PTPN9: variants seen among roughly 807,000 people sequenced by gnomAD.
PTPN9 encodes the protein tyrosine-protein phosphatase non-receptor type 9.
Under a neutral mutation model 69.8 loss-of-function variants are expected in PTPN9, and 26 were observed. The ratio of observed to expected loss-of-function variants is 0.37; its 90% CI spans 0.27 to 0.52. The LOEUF (loss-of-function observed/expected upper bound fraction) is 0.52. Ranked by LOEUF, PTPN9 falls within the 20% of genes least tolerant of loss-of-function variation. PTPN9 has a pLI of 0.91. For synonymous variants in PTPN9, 274 were observed against 272.5 expected (o/e 1.01, Z -0.05); for missense variants, 549 against 740.3 (o/e 0.74, Z 3.00).
Position 75,467,304 on chromosome 15 carries a change from T to G in PTPN9, c.*1465A>C, listed in dbSNP as rs1329516327. 6.6e-6 allele frequency: 1 copy of G among 152,582 alleles called. No homozygotes were observed. Among genetic ancestry groups the G allele is most frequent in the African/African-American group, 2.4e-5 (1 of 41,416 alleles). The allele number at this position is 152,582 out of a possible 1,614,324, so 9.5% of individuals were successfully genotyped here. ...AGAGCTTATTACAGTATAAAATTATTGAGGTCTGATCAGCTGCCAACCTCA... is the reference window on the plus strand; with the variant it reads ...AGAGCTTATTACAGTATAAAATTATGGAGGTCTGATCAGCTGCCAACCTCA... On this transcript the variant is annotated 3_prime_UTR_variant, in exon 13 of 13. Coordinates refer to ENST00000618819, the MANE Select transcript of PTPN9 (RefSeq NM_002833.4).
chr15:75,468,905 C>T lies in PTPN9; in HGVS notation c.1646G>A (p.Arg549His), dbSNP rs367823360. The T allele has an allele frequency of 2.5e-6, 4 of 1,614,062 alleles. No homozygotes were observed. The highest frequency in any genetic ancestry group is 2.2e-5 in the East Asian group (1 of 44,894). Residue 549 changes from arginine (R) to histidine (H), a missense_variant, in exon 13 of 13, where the codon CGC (arginine) becomes CAC (histidine). Physicochemically the swap from Arg to His is conservative, Grantham distance 29. Coordinates refer to ENST00000618819, the MANE Select transcript of PTPN9 (RefSeq NM_002833.4). ...GTLNVFQTVSRMRTQRAFSIQ... is the reference protein window; with the variant it reads ...GTLNVFQTVSHMRTQRAFSIQ... The stretch of plus-strand genomic sequence containing the variant: ...GCTGAAGGCCCTCTGGGTCCTCATG[C>T]GTGACACCGTCTGGAACACATTAAG...
At chr15:75,570,766 T>A (rs1351969783) in intron 1 of PTPN9, among the ~76,000 whole-genome samples, 1 of 150,312 alleles carries the variant, frequency 6.7e-6, no homozygotes, top group East Asian at 2.0e-4. Context: ...CAGAGTAAGA[T>A]CCTGTCTCCA....
At chr15:75,554,408 G>A (rs1177736870) in intron 1 of PTPN9, among the ~76,000 whole-genome samples, 5 of 151,870 alleles carry the variant, frequency 3.3e-5, no homozygotes, top group Non-Finnish European at 5.9e-5. Context: ...TGGTCAGGCT[G>A]GTCTCAAACT....
chr15:75,564,419 C>A (rs1274415952), intron 1 of PTPN9, among the ~76,000 whole-genome samples: 1 of 151,716 alleles, frequency 6.6e-6, no homozygotes, highest in Admixed American at 6.6e-5. Flanking sequence ...ACAGTGAAAC[C>A]CCGTCTCTAC....
chr15:75,551,064 CAA>C (rs2075054789), intron 1 of PTPN9, among the ~76,000 whole-genome samples: 1 of 152,158 alleles, frequency 6.6e-6, no homozygotes, highest in Non-Finnish European at 1.5e-5. Context: ...ATGTTTTATT[CAA>C]CCTTTCCAAC....
At chr15:75,483,994 G>A (rs1256548749) in intron 8 of PTPN9, among the ~76,000 whole-genome samples, 1 of 152,320 alleles carries the variant, frequency 6.6e-6, no homozygotes, top group African/African-American at 2.4e-5. Context: ...ACAAAGGGCT[G>A]TAGAAGCTCA....
intron 8 of PTPN9, among the ~76,000 whole-genome samples, chr15:75,487,081 G>C (rs1002734496): frequency 6.6e-6 from 1 of 151,882 alleles, no homozygotes; most frequent in Admixed American, 6.6e-5. Context: ...CACCGTGCCC[G>C]GCAAAGTAAT....
intron 9 of PTPN9, among the ~76,000 whole-genome samples, chr15:75,475,475 A>T (rs1269689798): frequency 6.6e-6 from 1 of 152,106 alleles, no homozygotes; most frequent in African/African-American, 2.4e-5. Context: ...GCTACTCGGG[A>T]GCCTGAGTTA....
At chr15:75,487,229 A>T (rs1567474906) in intron 8 of PTPN9, 1 of 152,136 alleles carries the variant, frequency 6.6e-6, no homozygotes, top group Admixed American at 6.5e-5. Flanking sequence ...AGAATGGAAA[A>T]ATAGCCCCAT....
chr15:75,468,387 A>G lies in PTPN9; in HGVS notation c.*382T>C, dbSNP rs1440098167. On this transcript the variant is annotated 3_prime_UTR_variant, in exon 13 of 13. Coordinates refer to ENST00000618819, the MANE Select transcript of PTPN9 (RefSeq NM_002833.4). ...AGGCAAATGCTCATCAAACCTCCCCATAAAATCCTAGGAAAGGGAAGGAGT... is the reference window on the plus strand; with the variant it reads ...AGGCAAATGCTCATCAAACCTCCCCGTAAAATCCTAGGAAAGGGAAGGAGT... 5.6e-6 allele frequency: 1 copy of G among 178,646 alleles called. No individual in the cohort carries two copies. Among genetic ancestry groups the G allele is most frequent in the Admixed American group, 5.5e-5 (1 of 18,120 alleles). 11.1% of individuals were successfully genotyped at this position (178,646 alleles called of 1,614,324 possible). A position where few individuals can be genotyped will look rare whatever the true frequency, so the allele number is the denominator to read the frequency against.
intron 1 of PTPN9, among the ~76,000 whole-genome samples, chr15:75,530,996 T>TTAA (rs2074961890): frequency 7.0e-6 from 1 of 142,050 alleles, no homozygotes; most frequent in African/African-American, 2.6e-5. Flanking sequence ...ATAATAGCAA[T>TTAA]GACCTACTTC....
At chr15:75,511,767 G>A (rs111549004) in intron 5 of PTPN9, among the ~76,000 whole-genome samples, 2,881 of 152,108 alleles carry the variant, frequency 0.019, 95 homozygotes, top group African/African-American at 0.065. Context: ...AATTAACCAT[G>A]TAACCATCAT....
chr15:75,503,724 G>C (rs571854460), intron 7 of PTPN9, among the ~76,000 whole-genome samples: 92 of 137,428 alleles, frequency 6.7e-4, no homozygotes, highest in African/African-American at 2.4e-3. Flanking sequence ...GGGAGGTGGG[G>C]GAGTCAGCCC....
At chr15:75,503,641 G>GGT (rs2074790440) in intron 7 of PTPN9, among the ~76,000 whole-genome samples, 1 of 135,382 alleles carries the variant, frequency 7.4e-6, no homozygotes, top group African/African-American at 2.8e-5. Flanking sequence ...CGGGAGGTGA[G>GGT]GGGCGCCTCT....
intron 6 of PTPN9, among the ~76,000 whole-genome samples, chr15:75,506,807 T>G (rs1824339490): frequency 6.6e-6 from 1 of 152,102 alleles, no homozygotes; most frequent in African/African-American, 2.4e-5. Flanking sequence ...AAAGCTCATC[T>G]CTTTTGCTGT....
chr15:75,549,745 C>T (rs930758243), intron 1 of PTPN9, among the ~76,000 whole-genome samples: 8 of 152,000 alleles, frequency 5.3e-5, no homozygotes, highest in South Asian at 2.1e-4. Context: ...AAGGCTGGGG[C>T]GGAAGGATTG....
intron 8 of PTPN9, among the ~76,000 whole-genome samples, chr15:75,482,049 G>C (rs1415292565): frequency 6.7e-6 from 1 of 149,534 alleles, no homozygotes; most frequent in African/African-American, 2.5e-5. Flanking sequence ...TGAGAAATCG[G>C]ATGGTTGCCG....
At chr15:75,532,858 T>G (rs1343529877) in intron 1 of PTPN9, among the ~76,000 whole-genome samples, 1 of 152,204 alleles carries the variant, frequency 6.6e-6, no homozygotes, top group Admixed American at 6.6e-5. Flanking sequence ...GTTAATCAGA[T>G]TTCTCCCTCT....
intron 1 of PTPN9, among the ~76,000 whole-genome samples, chr15:75,531,382 C>T (rs948128473): frequency 5.3e-5 from 8 of 152,064 alleles, no homozygotes; most frequent in Admixed American, 1.3e-4. Context: ...AAATGAGTCC[C>T]AGAGAAGACA....
Sources: gnomAD v4.1 joint callset for allele counts (sites outside exome capture counted in the v4.1 genomes callset) on GRCh38, gnomAD v4.1.1 for gene constraint, MANE v1.5 for transcripts, NCBI Gene and HGNC (gene_info 2026-07-23, HGNC 2026-07-21) for gene names.